The following ARMC1 variants were observed in gnomAD, a reference collection of about 807,000 sequenced individuals.
ARMC1 encodes the protein armadillo repeat-containing protein 1.
ARMC1 carries 16 observed loss-of-function variants against 31.4 expected under a neutral mutation model. That is an observed-to-expected ratio of 0.51 (90% CI 0.34 to 0.77). The LOEUF (loss-of-function observed/expected upper bound fraction) is 0.77. ARMC1 is among the 30% of genes least tolerant of loss of function. The probability of loss-of-function intolerance (pLI) is 0.01; values close to 1 mark genes in which losing one functional copy is unlikely to be tolerated. For synonymous variants in ARMC1, 114 were observed against 118.9 expected, an observed-to-expected ratio of 0.96 and a Z score of 0.27; for missense variants, 259 against 347.5, an observed-to-expected ratio of 0.75 and a Z score of 2.02.
intron 4 of ARMC1, among the ~76,000 whole-genome samples, chr8:65,609,974 G>A (rs1430460735): frequency 6.6e-6 from 1 of 152,064 alleles, no homozygotes; most frequent in South Asian, 2.1e-4. Flanking sequence ...CCCTAAATAT[G>A]TAAAGTTATA....
intron 4 of ARMC1, among the ~76,000 whole-genome samples, chr8:65,610,065 C>A (rs1457186274): frequency 6.6e-6 from 1 of 151,270 alleles, no homozygotes; most frequent in African/African-American, 2.4e-5. Context: ...GATTTAGCCT[C>A]TAGAATTAAA....
chr8:65,610,821 T>C (rs538489409), intron 4 of ARMC1, among the ~76,000 whole-genome samples: 1 of 152,222 alleles, frequency 6.6e-6, no homozygotes, highest in Non-Finnish European at 1.5e-5. Context: ...GATCTACAAC[T>C]AATTGGGTCA....
chr8:65,608,734 C>G (rs1478324745), intron 4 of ARMC1, among the ~76,000 whole-genome samples: 1 of 151,556 alleles, frequency 6.6e-6, no homozygotes, highest in Non-Finnish European at 1.5e-5. Flanking sequence ...ATAGTGAAAC[C>G]CCGTCTCTAT....
chr8:65,632,334 CA>C (rs1165202034), intron 1 of ARMC1, among the ~76,000 whole-genome samples: 1 of 152,076 alleles, frequency 6.6e-6, no homozygotes, highest in Non-Finnish European at 1.5e-5. Flanking sequence ...GACAGAGTGA[CA>C]GCTCATCTCA....
At chr8:65,616,041 A>C (rs985935291) in intron 3 of ARMC1, among the ~76,000 whole-genome samples, 3 of 152,250 alleles carry the variant, frequency 2.0e-5, no homozygotes, top group Non-Finnish European at 4.4e-5. Context: ...TTATTTCAAA[A>C]CTGTTTAATA....
At chr8:65,630,727 G>T (rs1808625223) in intron 1 of ARMC1, among the ~76,000 whole-genome samples, 1 of 152,086 alleles carries the variant, frequency 6.6e-6, no homozygotes, top group Admixed American at 6.6e-5. Context: ...GCTGAGGCAG[G>T]AGAATCGCTT....
chr8:65,633,831 C>A (rs947019216), intron 1 of ARMC1, 167 bp downstream of exon 1: 7 of 152,338 alleles, frequency 4.6e-5, no homozygotes, highest in Non-Finnish European at 2.9e-5. Flanking sequence ...TCACGGGACA[C>A]GTGGGGGTAG....
At chr8:65,629,154 CAA>C (rs761505047) in intron 1 of ARMC1, among the ~76,000 whole-genome samples, 25 of 77,018 alleles carry the variant, frequency 3.2e-4, no homozygotes, top group Admixed American at 9.1e-4. Flanking sequence ...GACTCCATCT[CAA>C]AAAAAAAAAA....
intron 1 of ARMC1, among the ~76,000 whole-genome samples, chr8:65,633,319 A>G (rs10087361): frequency 0.13 from 19,093 of 152,232 alleles, 2,121 homozygotes; most frequent in East Asian, 0.52. Flanking sequence ...CTTTCCCCTT[A>G]CTCGAAGAGT....
At chr8:65,628,978 A>G (rs530003090) in intron 1 of ARMC1, among the ~76,000 whole-genome samples, 26 of 152,138 alleles carry the variant, frequency 1.7e-4, no homozygotes, top group African/African-American at 5.3e-4. Context: ...ACATGGTGAA[A>G]CCCTGTCTCT....
At chr8:65,616,395 G>C (rs532694458) in intron 3 of ARMC1, among the ~76,000 whole-genome samples, 61 of 152,356 alleles carry the variant, frequency 4.0e-4, no homozygotes, top group African/African-American at 1.4e-3. Flanking sequence ...TCGGCCTCCC[G>C]AGGTGCCGGG....
rs147532327 is a variant in ARMC1 at position 65,605,220 on chromosome 8, TGAGA to T, written c.657+39_657+42del. On this transcript the variant is annotated intron_variant, in intron 6 of 6. Coordinates refer to ENST00000276569, the MANE Select transcript of ARMC1 (RefSeq NM_018120.6). ...CAATCTGCTAGCCATAAAAAATAATTGAGAGTGAGTTGGATATAAAGAAAATTAA... is the reference window on the plus strand; with the variant it reads ...CAATCTGCTAGCCATAAAAAATAATTGTGAGTTGGATATAAAGAAAATTAA... The T allele has an allele frequency of 3.7e-4, 560 of 1,518,134 alleles. 1 individual carries two copies. The African/African-American group carries it at 7.0e-3, about 19-fold the overall frequency. 94.0% of individuals were successfully genotyped at this position (1,518,134 alleles called of 1,614,324 possible).
intron 4 of ARMC1, among the ~76,000 whole-genome samples, chr8:65,607,640 A>AG (rs1335302632): frequency 2.0e-5 from 3 of 152,218 alleles, no homozygotes; most frequent in Non-Finnish European, 4.4e-5. Context: ...GCCTAACATT[A>AG]GGTGCTCCTT....
intron 1 of ARMC1, among the ~76,000 whole-genome samples, chr8:65,628,728 G>A (rs534340539): frequency 5.9e-5 from 9 of 151,418 alleles, no homozygotes; most frequent in South Asian, 2.1e-4. Context: ...ATGGTGGCAC[G>A]CACCTGTAAT....
rs1299607077 is a variant in ARMC1 at position 65,620,365 on chromosome 8, G to A, written c.275+1898C>T. Among the ~76,000 whole-genome samples the A allele has an allele frequency of 3.5e-5, 5 of 141,336 alleles. No homozygotes were observed. In the East Asian group the frequency reaches 6.2e-4, roughly 18 times the overall value. 92.7% of individuals were successfully genotyped at this position (141,336 alleles called of 152,430 possible). On this transcript the variant is annotated intron_variant, in intron 3 of 6. Coordinates refer to ENST00000276569, the MANE Select transcript of ARMC1 (RefSeq NM_018120.6). ...CGCCCAGGCTAGAGTGCAGTGGTGC[G>A]ATCTTGGCTCACTGCAACCTCTGCC... is the stretch of plus-strand genomic sequence containing the variant.
In ARMC1 at chr8:65,602,943, G is replaced by C. The variant is rs1807924895; in HGVS notation, c.*1451C>G. On this transcript the variant is annotated 3_prime_UTR_variant, in exon 7 of 7. Coordinates refer to ENST00000276569, the MANE Select transcript of ARMC1 (RefSeq NM_018120.6). ...CTCTCCAGAAGGTGACAATGTTAGTGAACTCAAGACTCTCACTGATGATGG... is the reference window on the plus strand; with the variant it reads ...CTCTCCAGAAGGTGACAATGTTAGTCAACTCAAGACTCTCACTGATGATGG... The C allele has an allele frequency of 6.6e-6, 1 of 151,472 alleles. No individual in the cohort carries two copies. Among genetic ancestry groups the C allele is most frequent in the Non-Finnish European group, 1.5e-5 (1 of 67,930 alleles). 9.4% of individuals were successfully genotyped at this position (151,472 alleles called of 1,614,324 possible). A position where few individuals can be genotyped will look rare whatever the true frequency, so the allele number is the denominator to read the frequency against.
intron 3 of ARMC1, among the ~76,000 whole-genome samples, chr8:65,620,391 TC>T (rs1808368952): frequency 6.9e-6 from 1 of 145,046 alleles, no homozygotes; most frequent in Admixed American, 7.2e-5. Context: ...AACCTCTGCC[TC>T]CCGAGTTCAA....
chr8:65,611,899 G>A (rs989793477), intron 4 of ARMC1, among the ~76,000 whole-genome samples: 9 of 151,292 alleles, frequency 5.9e-5, no homozygotes, highest in South Asian at 2.1e-4. Flanking sequence ...TCAGCCTCCC[G>A]AGTAGCTGGG....
intron 4 of ARMC1, among the ~76,000 whole-genome samples, chr8:65,611,620 G>A (rs1391278659): frequency 1.3e-5 from 2 of 151,944 alleles, no homozygotes; most frequent in South Asian, 2.1e-4. Flanking sequence ...AGAAGCTTAA[G>A]TCACTGACTT....
Sources: allele counts gnomAD v4.1 joint callset (sites outside exome capture counted in the v4.1 genomes callset), GRCh38; gene constraint gnomAD v4.1.1; transcripts MANE v1.5; gene names NCBI Gene and HGNC (gene_info 2026-07-23, HGNC 2026-07-21).